MSL3: variants seen among roughly 807,000 people sequenced by gnomAD.
MSL3 encodes MSL3-like 1.
In MSL3, 5 loss-of-function variants were observed where a neutral mutation model predicts 37.2. The ratio of observed to expected loss-of-function variants is 0.13; its 90% CI spans 0.07 to 0.28. The LOEUF is 0.28. Among genes scored for constraint, MSL3 ranks in the 10% least tolerant of loss-of-function variants. The probability of loss-of-function intolerance (pLI) is 1.00; values close to 1 mark genes in which losing one functional copy is unlikely to be tolerated. For synonymous variants in MSL3, 149 were observed against 147.6 expected, an observed-to-expected ratio of 1.01 and a Z score of -0.07; for missense variants, 315 against 408.5, an observed-to-expected ratio of 0.77 and a Z score of 1.97.
At chrX:11,762,083 C>T (rs1253118252) in intron 5 of MSL3, 47 bp from the exon 6 acceptor site, 1 of 1,034,331 alleles carries the variant, frequency 9.7e-7, no homozygotes, top group African/African-American at 2.0e-5. Flanking sequence ...TGGATATTGA[C>T]TCTTCTACTG....
chrX:11,766,668 G>A (rs2053186346), intron 9 of MSL3: 1 of 753,177 alleles, frequency 1.3e-6, no homozygotes, highest in Non-Finnish European at 1.6e-6. Context: ...GGCTCAGTGA[G>A]TTAGGAAGTC....
At chrX:11,766,271 A>T (rs1290070256) in intron 9 of MSL3, 18 of 757,052 alleles carry the variant, frequency 2.4e-5, no homozygotes, top group Non-Finnish European at 2.8e-5. Context: ...AGCAAAATAA[A>T]TTAGACAAAA....
At chrX:11,758,214 C>T, upstream of MSL3, 1 of 506,523 alleles carries the variant, frequency 2.0e-6, no homozygotes, top group Non-Finnish European at 2.7e-6. Context: ...CCTCCCCCAC[C>T]GCGCGCGCTC....
At chrX:11,766,563 C>T (rs781518331) in intron 9 of MSL3, 1 of 753,213 alleles carries the variant, frequency 1.3e-6, no homozygotes, top group South Asian at 6.8e-5. Flanking sequence ...ATACAGGGTG[C>T]TCTGTGCTTA....
At chrX:11,773,633 T>G (rs1029602124) in intron 12 of MSL3, among the ~76,000 whole-genome samples, 4 of 112,326 alleles carry the variant, frequency 3.6e-5, no homozygotes, top group African/African-American at 1.3e-4. Flanking sequence ...CCCACAACTC[T>G]GTTTGGCATA....
At chrX:11,764,622 CTCT>C (rs910397894) in intron 8 of MSL3, among the ~76,000 whole-genome samples, 3 of 111,617 alleles carry the variant, frequency 2.7e-5, no homozygotes, top group African/African-American at 9.8e-5. Context: ...CATCTGTCTC[CTCT>C]GTTAACCACT....
chrX:11,774,286 T>G (rs1160544635), intron 12 of MSL3, among the ~76,000 whole-genome samples: 1 of 112,200 alleles, frequency 8.9e-6, no homozygotes, highest in African/African-American at 3.2e-5. Flanking sequence ...GAAGTGAGAT[T>G]TATTGTTTAT....
rs1444179838 is a variant in MSL3 at position 11,766,183 on chromosome X, C to T, written c.1171+454C>T. On this transcript the variant is annotated intron_variant, in intron 9 of 12. Transcript: ENST00000312196. ...GTAAGAATACTCAGATTTCCATAAG[C>T]TCTTCTCACCTCCTCTTAGCCCAAC... 6.4e-6 allele frequency: 5 copies of T among 783,533 alleles called. No individual in the cohort carries two copies. The East Asian group carries it at 3.4e-4, about 53-fold the overall frequency. 64.6% of individuals were successfully genotyped at this position (783,533 alleles called of 1,213,427 possible). A position where few individuals can be genotyped will look rare whatever the true frequency, so the allele number is the denominator to read the frequency against.
chrX:11,770,539 A>G (rs934581882), intron 10 of MSL3, among the ~76,000 whole-genome samples: 1 of 111,413 alleles, frequency 9.0e-6, no homozygotes, highest in Non-Finnish European at 1.9e-5. Flanking sequence ...ACAAGGACTC[A>G]TGAGACCTTC....
intron 9 of MSL3, chrX:11,766,992 C>T: frequency 1.3e-6 from 1 of 754,660 alleles, no homozygotes; most frequent in East Asian, 1.5e-4. Flanking sequence ...CTTCAGGGGT[C>T]CTTCTAAGCA....
rs1436556433 is a variant in MSL3, at chrX:11,762,799, AG to A, written c.589-36del. On this transcript the variant is annotated intron_variant, in intron 6 of 12. Transcript: ENST00000312196. Reference sequence around the variant, plus strand: ...CTTGGAATATGTGGTTTGTTACATTAGGATGCATACATCAGATGTCTATGTT... The same window carrying A: ...CTTGGAATATGTGGTTTGTTACATTAGATGCATACATCAGATGTCTATGTT... The A allele has an allele frequency of 4.4e-6, 5 of 1,145,119 alleles. No individual in the cohort carries two copies. In the African/African-American group the frequency reaches 5.4e-5, roughly 12 times the overall value. The allele number at this position is 1,145,119 out of a possible 1,213,427, so 94.4% of individuals were successfully genotyped here. A position where few individuals can be genotyped will look rare whatever the true frequency, so the allele number is the denominator to read the frequency against.
In MSL3 at chrX:11,775,174, G is replaced by A; in HGVS notation, c.*95G>A. On this transcript the variant is annotated 3_prime_UTR_variant, in exon 13 of 13. Coordinates refer to ENST00000312196, the MANE Select transcript of MSL3 (RefSeq NM_078629.4). ...ACAAGGTGGTGGGTCTTTACCCACA[G>A]CGCAAACACAATGCCCACCTTGGGG... 2 of 602,447 alleles carry A rather than the reference G, an allele frequency of 3.3e-6. No individual in the cohort carries two copies. Among genetic ancestry groups the A allele is most frequent in the Non-Finnish European group, 5.4e-6 (2 of 368,858 alleles). 49.6% of individuals were successfully genotyped at this position (602,447 alleles called of 1,213,427 possible).
chrX:11,768,647 G>A lies in MSL3; in HGVS notation c.1246G>A (p.Gly416Ser). The part of the protein sequence containing the change: ...PSKEGSAVFA[G>S]FEGRRTNEIN... ...CAAGGAAGGGAGTGCTGTGTTTGCT[G>A]GCTTTGAAGGGAGAAGAACTAATGA... The change falls in exon 10 of 13, where the codon GGC becomes AGC. Residue 416 changes from glycine to serine, a missense_variant. Physicochemically the swap from Gly to Ser is moderately conservative, Grantham distance 56. Transcript: ENST00000312196. 8.3e-7 allele frequency: 1 copy of A among 1,199,857 alleles called. No individual in the cohort carries two copies. Among genetic ancestry groups the A allele is most frequent in the Non-Finnish European group, 1.1e-6 (1 of 884,641 alleles).
intron 4 of MSL3, 26 bp downstream of exon 4, chrX:11,760,963 T>C: frequency 1.9e-6 from 2 of 1,067,174 alleles, no homozygotes; most frequent in South Asian, 4.2e-5. Flanking sequence ...TCATTTCTTT[T>C]GGCTGAAAGA....
Position 11,772,232 on chromosome X carries a change from C to G in MSL3, c.1358C>G (p.Ala453Gly), listed in dbSNP as rs150177262. 2.1e-5 allele frequency: 25 copies of G among 1,203,583 alleles called. 1 individual carries two copies. In the African/African-American group the frequency reaches 2.5e-4, roughly 12 times the overall value. ...CCTCCACCCTCTTACATTTATGGGG[C>G]ACAACATTTGCTGCGATTGTTTGGT... The part of the protein sequence containing the change: ...QPPPPSYIYG[A>G]QHLLRLFVKL... The change falls in exon 11 of 13, where the codon GCA becomes GGA. Residue 453 changes from alanine (A) to glycine (G), a missense_variant. Physicochemically the swap from Ala to Gly is moderately conservative, Grantham distance 60 (BLOSUM62 0). Coordinates refer to ENST00000312196, the MANE Select transcript of MSL3 (RefSeq NM_078629.4).
At chrX:11,774,223 TTGTTC>T (rs1437440006) in intron 12 of MSL3, among the ~76,000 whole-genome samples, 9 of 112,956 alleles carry the variant, frequency 8.0e-5, no homozygotes, top group African/African-American at 2.9e-4. Context: ...CCATTACTAG[TTGTTC>T]TGTTCAATTT....
intron 10 of MSL3, chrX:11,769,080 A>G (rs2053210439): frequency 8.6e-6 from 1 of 115,706 alleles, no homozygotes. Context: ...ATTCCAATAA[A>G]ACTTGATTTA....
chrX:11,774,075 T>A (rs1601775369), intron 12 of MSL3, among the ~76,000 whole-genome samples: 1 of 112,076 alleles, frequency 8.9e-6, no homozygotes, highest in African/African-American at 3.2e-5. Context: ...AGTCAAGATA[T>A]CATATGTATA....
chrX:11,763,190 CTATT>C (rs1336769239), intron 7 of MSL3, among the ~76,000 whole-genome samples, 193 bp downstream of exon 7: 10 of 113,076 alleles, frequency 8.8e-5, no homozygotes, highest in Non-Finnish European at 1.7e-4. Context: ...ACTTCAATAA[CTATT>C]TACACATCTT....
Sources: gnomAD v4.1 joint callset for allele counts (sites outside exome capture counted in the v4.1 genomes callset) on GRCh38, gnomAD v4.1.1 for gene constraint, MANE v1.5 for transcripts, NCBI Gene and HGNC (gene_info 2026-07-23, HGNC 2026-07-21) for gene names.